SLC24A1: variants seen among roughly 807,000 people sequenced by gnomAD.
The protein encoded by SLC24A1 is sodium/potassium/calcium exchanger 1.
SLC24A1 carries 52 observed loss-of-function variants against 88.1 expected under a neutral mutation model. That is an observed-to-expected ratio of 0.59 (90% CI 0.47 to 0.74). The LOEUF (loss-of-function observed/expected upper bound fraction) is 0.74. SLC24A1 is among the 30% of genes least tolerant of loss of function. The pLI is 0.00. For missense variants in SLC24A1, 1,173 were observed against 1,363.3 expected, an observed-to-expected ratio of 0.86 and a Z score of 2.20; for synonymous variants, 455 against 498.0, an observed-to-expected ratio of 0.91 and a Z score of 1.15.
At chr15:65,660,757 C>A (rs2075824193), downstream of SLC24A1, 1 of 153,266 alleles carries the variant, frequency 6.5e-6, no homozygotes, top group African/African-American at 2.4e-5. Flanking sequence ...GGATGAAAAT[C>A]TATCTGGCTG....
chr15:65,643,560 G>T (rs1473876868), intron 4 of SLC24A1, among the ~76,000 whole-genome samples: 1 of 152,194 alleles, frequency 6.6e-6, no homozygotes, highest in Non-Finnish European at 1.5e-5. Context: ...AGGCCACACA[G>T]CTGTGGACTC....
chr15:65,638,905 T>G (rs1413680464), intron 3 of SLC24A1, among the ~76,000 whole-genome samples: 1 of 152,206 alleles, frequency 6.6e-6, no homozygotes, highest in Non-Finnish European at 1.5e-5. Context: ...TCAGATGATA[T>G]TTCTATATGT....
chr15:65,660,188 A>G, downstream of SLC24A1: 1 of 843,738 alleles, frequency 1.2e-6, no homozygotes, highest in Non-Finnish European at 1.9e-6. Context: ...AGGCAGATAT[A>G]TGTGCCTAGC....
chr15:65,615,192 A>T (rs1218465273), intron 2 of SLC24A1, among the ~76,000 whole-genome samples: 1 of 152,096 alleles, frequency 6.6e-6, no homozygotes, highest in East Asian at 1.9e-4. Flanking sequence ...CAGCCAGGAC[A>T]AGATCTTATC....
At chr15:65,613,379 G>T (rs2074032457) in intron 2 of SLC24A1, among the ~76,000 whole-genome samples, 1 of 152,132 alleles carries the variant, frequency 6.6e-6, no homozygotes, top group South Asian at 2.1e-4. Flanking sequence ...CCCAGAGCAC[G>T]TGTTGAAAAT....
Position 65,624,310 on chromosome 15 carries a change from G to A in SLC24A1, c.230G>A (p.Ser77Asn). 1.9e-6 allele frequency: 3 copies of A among 1,613,742 alleles called. No homozygotes were observed. Among genetic ancestry groups the A allele is most frequent in the Non-Finnish European group, 2.5e-6 (3 of 1,179,786 alleles). The change falls in exon 2 of 10, where the codon AGC becomes AAC. Residue 77 changes from serine to asparagine, a missense_variant. Transcript: ENST00000261892. ...AGTGAAGAGATGATGATGATGAGCA[G>A]CAGCCCTTCAAAACCTAGCTCCGAA... Reference protein sequence around the residue: ...LSSEEMMMMSSSPSKPSSEMG... With the variant: ...LSSEEMMMMSNSPSKPSSEMG...
intron 2 of SLC24A1, among the ~76,000 whole-genome samples, chr15:65,631,757 C>A (rs1038049369): frequency 6.6e-6 from 1 of 152,156 alleles, no homozygotes; most frequent in African/African-American, 2.4e-5. Context: ...CTTTTAATGG[C>A]AAAAACCGCG....
intron 2 of SLC24A1, among the ~76,000 whole-genome samples, chr15:65,613,679 TC>T (rs1385315965): frequency 2.0e-5 from 3 of 151,934 alleles, no homozygotes; most frequent in Admixed American, 2.0e-4. Flanking sequence ...GAGATGGGGG[TC>T]TCACTATGTT....
chr15:65,628,487 C>G (rs1255593304), intron 2 of SLC24A1, among the ~76,000 whole-genome samples: 7 of 152,194 alleles, frequency 4.6e-5, no homozygotes, highest in Non-Finnish European at 1.0e-4. Context: ...TTTAGTGAGA[C>G]AAAGGAGTCA....
chr15:65,656,651 G>A (rs114585516), downstream of SLC24A1, among the ~76,000 whole-genome samples: 39 of 152,302 alleles, frequency 2.6e-4, no homozygotes, highest in African/African-American at 9.4e-4. Flanking sequence ...CATTCAGCCT[G>A]GAAAGTCTGA....
chr15:65,615,890 C>CT (rs1447790268), intron 2 of SLC24A1, among the ~76,000 whole-genome samples: 1 of 132,876 alleles, frequency 7.5e-6, no homozygotes, highest in African/African-American at 2.9e-5. Context: ...CCCCCCACCC[C>CT]CCAACAGGCC....
Position 65,655,550 on chromosome 15 carries a change from G to C in SLC24A1, c.*1471G>C. ...GCTGCTTTTACTAGAATCAAGTTAA[G>C]GGACACGTTAGAAATAGAACAGCTT... On this transcript the variant is annotated 3_prime_UTR_variant, in exon 10 of 10. Coordinates refer to ENST00000261892, the MANE Select transcript of SLC24A1 (RefSeq NM_004727.3). The C allele has an allele frequency of 1.0e-6, 1 of 985,348 alleles. No homozygotes were observed. Among genetic ancestry groups the C allele is most frequent in the Non-Finnish European group, 1.2e-6 (1 of 829,902 alleles). The allele number at this position is 985,348 out of a possible 1,614,324, so 61.0% of individuals were successfully genotyped here.
chr15:65,626,455 C>G (rs1296794187), intron 2 of SLC24A1, among the ~76,000 whole-genome samples: 1 of 152,178 alleles, frequency 6.6e-6, no homozygotes, highest in Non-Finnish European at 1.5e-5. Context: ...CCCATTAGTT[C>G]ACATTCCAGA....
At position 65,654,727 on chromosome 15, in the gene SLC24A1, CAG is replaced by C; in HGVS notation, c.*651_*652del. The C allele has an allele frequency of 8.4e-7, 1 of 1,184,480 alleles. No individual in the cohort carries two copies. The highest frequency in any genetic ancestry group is 1.3e-5 in the South Asian group (1 of 76,858). 73.4% of individuals were successfully genotyped at this position (1,184,480 alleles called of 1,614,324 possible). A position where few individuals can be genotyped will look rare whatever the true frequency, so the allele number is the denominator to read the frequency against. ...ATTTTCTTTTTTTTTTTTTTTGAGACAGAGTTTGGCTCTTGTTGCCCAGGCTG... is the reference window on the plus strand; with the variant it reads ...ATTTTCTTTTTTTTTTTTTTTGAGACAGTTTGGCTCTTGTTGCCCAGGCTG... On this transcript the variant is annotated 3_prime_UTR_variant, in exon 10 of 10. Transcript: ENST00000261892.
At chr15:65,632,142 C>T (rs1027144848) in intron 2 of SLC24A1, among the ~76,000 whole-genome samples, 1 of 152,096 alleles carries the variant, frequency 6.6e-6, no homozygotes, top group Non-Finnish European at 1.5e-5. Context: ...GATTTTATTT[C>T]AAGCTCAACA....
intron 8 of SLC24A1, 54 bp downstream of exon 8, chr15:65,651,813 C>G: frequency 2.3e-6 from 2 of 886,900 alleles, no homozygotes; most frequent in East Asian, 4.9e-5. Context: ...ACGACACTTT[C>G]CTTCAGGATC....
intron 4 of SLC24A1, among the ~76,000 whole-genome samples, chr15:65,642,027 G>A (rs529059727): frequency 5.1e-4 from 78 of 152,272 alleles, no homozygotes; most frequent in African/African-American, 1.9e-3. Context: ...ATTGTCTCTG[G>A]GTGTCTTTGG....
chr15:65,638,067 G>C, intron 2 of SLC24A1, 61 bp from the exon 3 acceptor site: 1 of 1,148,646 alleles, frequency 8.7e-7, no homozygotes, highest in Middle Eastern at 1.9e-4. Flanking sequence ...TGGAGAAAGG[G>C]ATGTAGGGAG....
At chr15:65,619,856 C>T (rs2141417304), upstream of SLC24A1, among the ~76,000 whole-genome samples, 1 of 152,196 alleles carries the variant, frequency 6.6e-6, no homozygotes, top group East Asian at 1.9e-4. Flanking sequence ...TTCTTCCATC[C>T]TGTTCCAGGG....
Sources: allele counts gnomAD v4.1 joint callset (sites outside exome capture counted in the v4.1 genomes callset), GRCh38; gene constraint gnomAD v4.1.1; transcripts MANE v1.5; gene names NCBI Gene and HGNC (gene_info 2026-07-23, HGNC 2026-07-21).